Variants in ACOT11 observed in about 807,000 individuals in gnomAD.
ACOT11 encodes acyl-CoA thioesterase 11.
Under a neutral mutation model 77.5 loss-of-function variants are expected in ACOT11, and 69 were observed. The observed-to-expected ratio is 0.89, with a 90% CI of 0.73 to 1.09. ACOT11 has a LOEUF of 1.09. Among genes scored for constraint, ACOT11 ranks in the 50% least tolerant of loss-of-function variants. The probability of loss-of-function intolerance (pLI) is 0.00; values close to 1 mark genes in which losing one functional copy is unlikely to be tolerated. For missense variants in ACOT11, 766 were observed against 813.7 expected (o/e 0.94, Z 0.71); for synonymous variants, 279 against 313.0 (o/e 0.89, Z 1.15).
rs1437329871 is a variant in ACOT11, at chr1:54,609,375, CAG to C, written c.*266_*267del. 3 of 1,614,076 alleles carry C rather than the reference CAG, an allele frequency of 1.9e-6. No individual in the cohort carries two copies. The highest frequency in any genetic ancestry group is 2.5e-6 in the Non-Finnish European group (3 of 1,180,038). On this transcript the variant is annotated 3_prime_UTR_variant, in exon 16 of 16. Transcript: ENST00000343744. ...CTAGCTGCCAGCAATGCTGTCCTCA[CAG>C]AGGCATAGTCGCCCCCAGCTGGGTT... is the stretch of plus-strand genomic sequence containing the variant.
At chr1:54,630,749 G>A (rs554196966) in exon 16 of ACOT11, 2 of 746,060 alleles carry the variant, frequency 2.7e-6, no homozygotes, top group African/African-American at 3.4e-5. Flanking sequence ...CTGGGTTAGG[G>A]TCTCCCTGAC....
At chr1:54,604,676 T>C (rs974617899) in intron 12 of ACOT11, among the ~76,000 whole-genome samples, 4 of 152,150 alleles carry the variant, frequency 2.6e-5, no homozygotes, top group Non-Finnish European at 4.4e-5. Flanking sequence ...TCTGCTGCTG[T>C]CTGACCAGGC....
At chr1:54,578,874 G>A (rs780776153) in intron 1 of ACOT11, among the ~76,000 whole-genome samples, 7 of 151,172 alleles carry the variant, frequency 4.6e-5, no homozygotes, top group African/African-American at 9.8e-5. Flanking sequence ...AGGGTAATAC[G>A]TATGAGAACT....
At chr1:54,622,175 C>T (rs1018690903) in intron 15 of ACOT11, among the ~76,000 whole-genome samples, 2 of 145,796 alleles carry the variant, frequency 1.4e-5, no homozygotes, top group Non-Finnish European at 3.0e-5. Context: ...ACTTGGGAGG[C>T]TGAGGTGGAA....
In ACOT11 at chr1:54,628,982, C is replaced by T. The variant is rs746620300; in HGVS notation, c.1630-1752C>T. Among the ~76,000 whole-genome samples the T allele has an allele frequency of 4.7e-4, 57 of 121,722 alleles. 6 individuals carry two copies. The highest frequency in any genetic ancestry group is 1.2e-3 in the African/African-American group (42 of 36,480). 79.9% of individuals were successfully genotyped at this position (121,722 alleles called of 152,430 possible). ...GCTGAGGGAGGAGAATCACTTGAAC[C>T]GGGGAGGCAGAGGTTGCAGTGAGCC... On this transcript the variant is annotated intron_variant, in intron 15 of 16. Transcript: ENST00000371316.
downstream of ACOT11, chr1:54,612,632 G>T: frequency 6.2e-7 from 1 of 1,614,124 alleles, no homozygotes; most frequent in Non-Finnish European, 8.5e-7. Context: ...TCCTGTTTGG[G>T]GACGTGGACA....
intron 1 of ACOT11, among the ~76,000 whole-genome samples, chr1:54,575,210 C>A (rs1440949648): frequency 6.6e-6 from 1 of 152,174 alleles, no homozygotes; most frequent in Non-Finnish European, 1.5e-5. Context: ...TCTCTGAGTG[C>A]GGGATCCCTA....
chr1:54,595,222 T>C (rs185350688), intron 6 of ACOT11, among the ~76,000 whole-genome samples: 1 of 152,114 alleles, frequency 6.6e-6, no homozygotes, highest in African/African-American at 2.4e-5. Flanking sequence ...GGCGTGCACC[T>C]GTAATCCTAG....
At chr1:54,604,575 G>A (rs1644002718) in intron 12 of ACOT11, 146 bp downstream of exon 12, 1 of 766,934 alleles carries the variant, frequency 1.3e-6, no homozygotes, top group South Asian at 1.8e-5. Flanking sequence ...GTCCAGTTAT[G>A]GAAACGTACC....
chr1:54,562,355 C>T (rs1282587559), intron 1 of ACOT11, among the ~76,000 whole-genome samples: 2 of 84,746 alleles, frequency 2.4e-5, no homozygotes, highest in Non-Finnish European at 4.7e-5. Context: ...GGTGGCTGGC[C>T]GGGCTGAGGG....
chr1:54,622,814 G>T (rs1262980636), intron 15 of ACOT11, among the ~76,000 whole-genome samples: 2 of 143,118 alleles, frequency 1.4e-5, no homozygotes, highest in East Asian at 4.2e-4. Flanking sequence ...GTCATGTAGG[G>T]TTGGGGGATG....
chr1:54,625,939 C>CAAAAAA (rs55726397), intron 15 of ACOT11, among the ~76,000 whole-genome samples: 6 of 107,294 alleles, frequency 5.6e-5, no homozygotes, highest in Admixed American at 1.0e-4. Flanking sequence ...AACTCTGTCT[C>CAAAAAA]AAAAAAAAAA....
At chr1:54,552,461 T>C (rs1282037820) in intron 1 of ACOT11, among the ~76,000 whole-genome samples, 2 of 152,078 alleles carry the variant, frequency 1.3e-5, no homozygotes, top group African/African-American at 2.4e-5. Flanking sequence ...GCCTCAGCCA[T>C]GGGCAGACAC....
In ACOT11 at chr1:54,610,260, T is replaced by A; in HGVS notation, c.*1148T>A. ...GCTCTTGACATCACTGTACTCCCTC[T>A]CCCTCCCCGCAACCCTGCCCCACCT... On this transcript the variant is annotated 3_prime_UTR_variant, in exon 16 of 16. Coordinates refer to ENST00000343744, the MANE Select transcript of ACOT11 (RefSeq NM_147161.4). The A allele has an allele frequency of 6.8e-7, 1 of 1,474,050 alleles. No homozygotes were observed. The highest frequency in any genetic ancestry group is 2.5e-5 in the Admixed American group (1 of 40,222). The allele number at this position is 1,474,050 out of a possible 1,614,324, so 91.3% of individuals were successfully genotyped here. A position where few individuals can be genotyped will look rare whatever the true frequency, so the allele number is the denominator to read the frequency against.
chr1:54,635,127 A>G (rs564851307), exon 17 of ACOT11: 41 of 250,876 alleles, frequency 1.6e-4, no homozygotes, highest in African/African-American at 9.1e-4. Context: ...ACCTATTTGT[A>G]AACAGGATTG....
Position 54,585,851 on chromosome 1 carries a change from C to T in ACOT11, c.258C>T (p.Gly86=). 1.9e-6 allele frequency: 3 copies of T among 1,614,122 alleles called. No individual in the cohort carries two copies. The highest frequency in any genetic ancestry group is 2.5e-6 in the Non-Finnish European group (3 of 1,179,998). The change falls in exon 3 of 16, where the codon GGC becomes GGT. Residue 86 remains glycine (G), a synonymous_variant. Coordinates refer to ENST00000343744, the MANE Select transcript of ACOT11 (RefSeq NM_147161.4). ...TACLSAERHA[G]CPCVTASMDD... ...TGACACCAGCGGAGAGGCACGCTGG[C>T]TGCCCCTGTGTCACAGCTTCCATGG...
At chr1:54,579,517 C>T (rs1654230086) in intron 1 of ACOT11, among the ~76,000 whole-genome samples, 2 of 152,154 alleles carry the variant, frequency 1.3e-5, no homozygotes, top group African/African-American at 4.8e-5. Context: ...AGGAGGCTGC[C>T]CTTGGGTTTC....
intron 3 of ACOT11, among the ~76,000 whole-genome samples, chr1:54,587,507 C>T (rs1374531087): frequency 4.8e-5 from 7 of 147,066 alleles, no homozygotes; most frequent in South Asian, 2.2e-4. Context: ...GGCAAGAGAG[C>T]GAGCCTCCAT....
At position 54,597,339 on chromosome 1, in the gene ACOT11, C is replaced by A; in HGVS notation, c.688C>A (p.His230Asn). Reference protein sequence around the residue: ...VESVELVLPPHANHQGNTFGG... With the variant: ...VESVELVLPPNANHQGNTFGG... ...GAGTGTGGAGCTGGTCCTGCCTCCCCACGCCAATCACCAGGGCAACACCTT... is the reference window on the plus strand; with the variant it reads ...GAGTGTGGAGCTGGTCCTGCCTCCCAACGCCAATCACCAGGGCAACACCTT... Residue 230 changes from histidine (H) to asparagine (N), a missense_variant, in exon 7 of 16, where the codon CAC becomes AAC. Transcript: ENST00000343744. 6.2e-7 allele frequency: 1 copy of A among 1,613,948 alleles called. No individual in the cohort carries two copies. The highest frequency in any genetic ancestry group is 8.5e-7 in the Non-Finnish European group (1 of 1,180,012).
Sources: gnomAD v4.1 joint callset for allele counts (sites outside exome capture counted in the v4.1 genomes callset) on GRCh38, gnomAD v4.1.1 for gene constraint, MANE v1.5 for transcripts, NCBI Gene and HGNC (gene_info 2026-07-23, HGNC 2026-07-21) for gene names.